Variants in CHCHD6 observed in about 807,000 individuals in gnomAD.
CHCHD6 encodes the protein MICOS complex subunit MIC25.
In CHCHD6, 28 loss-of-function variants were observed where a neutral mutation model predicts 32.3. The ratio of observed to expected loss-of-function variants is 0.87; its 90% confidence interval spans 0.64 to 1.19. The LOEUF (loss-of-function observed/expected upper bound fraction) is 1.19, where lower values mean the gene tolerates loss of function less well. CHCHD6 is among the 50% of genes most tolerant of loss of function. The pLI is 0.00. For missense variants in CHCHD6, 333 were observed against 307.0 expected (o/e 1.08, Z -0.63); for synonymous variants, 122 against 117.5 (o/e 1.04, Z -0.25).
At chr3:126,937,205 G>T (rs1460395178) in intron 6 of CHCHD6, among the ~76,000 whole-genome samples, 2 of 152,228 alleles carry the variant, frequency 1.3e-5, no homozygotes, top group Non-Finnish European at 1.5e-5. Context: ...AAGTGTTCTG[G>T]CTCGAGTCCA....
At chr3:126,929,363 G>A (rs565240412) in intron 6 of CHCHD6, among the ~76,000 whole-genome samples, 39 of 152,300 alleles carry the variant, frequency 2.6e-4, no homozygotes, top group African/African-American at 9.1e-4. Context: ...TCACCATGTT[G>A]TCTGCTGTCT....
intron 4 of CHCHD6, among the ~76,000 whole-genome samples, chr3:126,805,840 G>C (rs925722667): frequency 5.3e-5 from 8 of 152,128 alleles, no homozygotes; most frequent in African/African-American, 1.9e-4. Context: ...CATGGTACTG[G>C]TACCAAAACA....
At chr3:126,740,721 T>C (rs1306847683) in intron 4 of CHCHD6, among the ~76,000 whole-genome samples, 2 of 152,174 alleles carry the variant, frequency 1.3e-5, no homozygotes, top group African/African-American at 4.8e-5. Flanking sequence ...TTTAGAGAAT[T>C]GGAATAATTA....
chr3:126,857,983 C>T (rs1274633950), intron 5 of CHCHD6, among the ~76,000 whole-genome samples: 1 of 151,228 alleles, frequency 6.6e-6, no homozygotes, highest in Non-Finnish European at 1.5e-5. Context: ...CCAGGTTCAC[C>T]AGAAGAGAGG....
At chr3:126,861,991 C>T (rs372448826) in intron 5 of CHCHD6, among the ~76,000 whole-genome samples, 20 of 28,926 alleles carry the variant, frequency 6.9e-4, no homozygotes, top group East Asian at 1.1e-3. Flanking sequence ...CACCACCTCC[C>T]CCTCCACCAT....
At chr3:126,839,802 T>TG (rs1176481719) in intron 4 of CHCHD6, among the ~76,000 whole-genome samples, 1 of 152,214 alleles carries the variant, frequency 6.6e-6, no homozygotes, top group Non-Finnish European at 1.5e-5. Flanking sequence ...ACATCTTTAT[T>TG]GAGATATTCA....
At chr3:126,880,879 T>G (rs1204210704) in intron 5 of CHCHD6, among the ~76,000 whole-genome samples, 1 of 152,246 alleles carries the variant, frequency 6.6e-6, no homozygotes, top group Non-Finnish European at 1.5e-5. Flanking sequence ...TGCCTCGGTT[T>G]CTGACATTGT....
chr3:126,757,469 AG>A, intron 4 of CHCHD6, among the ~76,000 whole-genome samples: 1 of 152,194 alleles, frequency 6.6e-6, no homozygotes, highest in East Asian at 1.9e-4. Context: ...TTGAAAGTAA[AG>A]GGCTTTGTTT....
At chr3:126,913,207 CTTTTTTTTTTTTTTTTTTTTTTTTT>C (rs546179022) in intron 5 of CHCHD6, among the ~76,000 whole-genome samples, 2 of 33,746 alleles carry the variant, frequency 5.9e-5, no homozygotes, top group African/African-American at 1.3e-4. Flanking sequence ...CCGTATGAGC[CTTTTTTTTTTTTTTTTTTTTTTTTT>C]TTTTTTTTTT....
intron 5 of CHCHD6, 91 bp from the exon 6 acceptor site, chr3:126,914,589 G>C (rs919003251): frequency 1.3e-6 from 1 of 782,938 alleles, no homozygotes; most frequent in Admixed American, 1.8e-5. Flanking sequence ...CAAGAAATTA[G>C]CATCTGTCAA....
intron 6 of CHCHD6, among the ~76,000 whole-genome samples, chr3:126,939,155 G>T (rs2078523312): frequency 6.6e-6 from 1 of 152,178 alleles, no homozygotes; most frequent in African/African-American, 2.4e-5. Flanking sequence ...GTTCAAGCCA[G>T]CCTGCCTCCA....
At chr3:126,899,277 C>A (rs964675022) in intron 5 of CHCHD6, among the ~76,000 whole-genome samples, 8 of 152,146 alleles carry the variant, frequency 5.3e-5, no homozygotes, top group Non-Finnish European at 8.8e-5. Context: ...TTCCTTATTC[C>A]TATCCTGGTC....
At chr3:126,771,244 C>T (rs1463587550) in intron 4 of CHCHD6, among the ~76,000 whole-genome samples, 9 of 141,834 alleles carry the variant, frequency 6.3e-5, no homozygotes, top group South Asian at 2.2e-4. Context: ...CTTGCTCTGT[C>T]GCCAGATTGG....
At chr3:126,916,608 C>T (rs1281857888) in intron 6 of CHCHD6, among the ~76,000 whole-genome samples, 2 of 152,168 alleles carry the variant, frequency 1.3e-5, no homozygotes, top group African/African-American at 4.8e-5. Context: ...TTGAAGGGTG[C>T]TGCACTGCCC....
At chr3:126,724,233 G>T (rs1326433762) in intron 1 of CHCHD6, among the ~76,000 whole-genome samples, 3 of 152,310 alleles carry the variant, frequency 2.0e-5, no homozygotes, top group African/African-American at 4.8e-5. Context: ...CATGTGTGTT[G>T]TCAGGGGGCT....
chr3:126,868,339 AG>A (rs1006966245), intron 5 of CHCHD6, among the ~76,000 whole-genome samples: 1 of 152,172 alleles, frequency 6.6e-6, no homozygotes, highest in Non-Finnish European at 1.5e-5. Context: ...TGGTGCCAAC[AG>A]GGGAGCCAGG....
chr3:126,950,919 G>A (rs774480758), intron 6 of CHCHD6, among the ~76,000 whole-genome samples: 1 of 152,186 alleles, frequency 6.6e-6, no homozygotes, highest in Non-Finnish European at 1.5e-5. Context: ...GGGAAGGAAA[G>A]GTCATATGGA....
At chr3:126,935,733 A>G (rs144563243) in intron 6 of CHCHD6, among the ~76,000 whole-genome samples, 1 of 152,388 alleles carries the variant, frequency 6.6e-6, no homozygotes, top group East Asian at 1.9e-4. Flanking sequence ...AGTAAAAGTG[A>G]GTAATGAAAC....
intron 4 of CHCHD6, among the ~76,000 whole-genome samples, chr3:126,807,497 G>A (rs1470570517): frequency 6.6e-6 from 1 of 152,112 alleles, no homozygotes; most frequent in East Asian, 1.9e-4. Context: ...CAAAGCAATA[G>A]AAAATATGAG....
Sources: allele counts gnomAD v4.1 joint callset (sites outside exome capture counted in the v4.1 genomes callset), GRCh38; gene constraint gnomAD v4.1.1; transcripts MANE v1.5; gene names NCBI Gene and HGNC (gene_info 2026-07-23, HGNC 2026-07-21).